The following ANKRD60 variants were observed in gnomAD, a reference collection of about 807,000 sequenced individuals.
ANKRD60 encodes ankyrin repeat domain 60.
ANKRD60 carries 24 observed loss-of-function variants against 21.3 expected under a neutral mutation model. That is an observed-to-expected ratio of 1.13 (90% CI 0.82 to 1.59). ANKRD60 has a LOEUF of 1.59. Among genes scored for constraint, ANKRD60 ranks in the 40% most tolerant of loss-of-function variants. The probability of loss-of-function intolerance (pLI) is 0.00; values close to 1 mark genes in which losing one functional copy is unlikely to be tolerated. For synonymous variants in ANKRD60, 182 were observed against 199.4 expected (o/e 0.91, Z 0.74); for missense variants, 490 against 466.7 (o/e 1.05, Z -0.46).
downstream of ANKRD60, chr20:58,218,399 G>T: frequency 1.6e-6 from 2 of 1,252,890 alleles, no homozygotes; most frequent in Non-Finnish European, 2.2e-6. Flanking sequence ...TAATTGCCCT[G>T]TTTTCCTGCC....
At chr20:58,217,373 G>C (rs1354887823), downstream of ANKRD60, among the ~76,000 whole-genome samples, 1 of 151,922 alleles carries the variant, frequency 6.6e-6, no homozygotes, top group Non-Finnish European at 1.5e-5. Flanking sequence ...AGGTTGCAGT[G>C]AGCCGAGATG....
At chr20:58,218,491 G>A (rs1984176874), downstream of ANKRD60, 1 of 1,546,364 alleles carries the variant, frequency 6.5e-7, no homozygotes, top group Non-Finnish European at 8.7e-7. Context: ...GTTCCCACCA[G>A]GAGCTAATGA....
chr20:58,228,126 G>C lies in ANKRD60; in HGVS notation c.430+98C>G. 8.1e-7 allele frequency: 1 copy of C among 1,234,818 alleles called. No individual in the cohort carries two copies. The highest frequency in any genetic ancestry group is 1.6e-5 in the South Asian group (1 of 63,676). 76.5% of individuals were successfully genotyped at this position (1,234,818 alleles called of 1,614,324 possible). A position where few individuals can be genotyped will look rare whatever the true frequency, so the allele number is the denominator to read the frequency against. ...TTCAGGGGTTTGCTTTGACATCTGGGGTTTCTCACGTAAGCAGGCTTCCCT... is the reference window on the plus strand; with the variant it reads ...TTCAGGGGTTTGCTTTGACATCTGGCGTTTCTCACGTAAGCAGGCTTCCCT... On this transcript the variant is annotated intron_variant, in intron 1 of 3. Transcript: ENST00000457363. This position sits in a 1 kb window ranked among gnomAD's most constrained non-coding sequence, Gnocchi z 5.3.
chr20:58,228,333 G>A lies in ANKRD60; in HGVS notation c.321C>T (p.Phe107=), dbSNP rs776925783. ...TGTCGCCGCGGCAGTTTGCCACTCG[G>A]AACATCTCCCCCGTCTCCTCCAGCC... Residue 107 remains phenylalanine, a synonymous_variant, in exon 1 of 4, where the codon TTC becomes TTT. Transcript: ENST00000457363. This position sits in a 1 kb window ranked among gnomAD's most constrained non-coding sequence, Gnocchi z 5.3. 3.2e-6 allele frequency: 5 copies of A among 1,549,648 alleles called. No individual in the cohort carries two copies. The highest frequency in any genetic ancestry group is 1.4e-5 in the African/African-American group (1 of 73,028).
At chr20:58,224,880 T>C (rs1250301488) in intron 1 of ANKRD60, among the ~76,000 whole-genome samples, 1 of 152,152 alleles carries the variant, frequency 6.6e-6, no homozygotes, top group Non-Finnish European at 1.5e-5. Flanking sequence ...GCTAAATAAA[T>C]TATCACAGTT....
intron 1 of ANKRD60, among the ~76,000 whole-genome samples, chr20:58,226,545 T>G (rs1984367545): frequency 6.6e-6 from 1 of 152,168 alleles, no homozygotes; most frequent in African/African-American, 2.4e-5. Context: ...CTTTGAGTTT[T>G]GGGGTACTCA....
chr20:58,222,690 C>T (rs1168246687), intron 2 of ANKRD60, among the ~76,000 whole-genome samples: 3 of 152,246 alleles, frequency 2.0e-5, no homozygotes, highest in African/African-American at 4.8e-5. Context: ...TGTACCACAG[C>T]CCCGAGCTCT....
At chr20:58,217,691 C>T (rs555236140), downstream of ANKRD60, among the ~76,000 whole-genome samples, 3 of 151,940 alleles carry the variant, frequency 2.0e-5, no homozygotes, top group African/African-American at 7.2e-5. Flanking sequence ...AATGCAAAGA[C>T]CTGAGAGTTG....
chr20:58,218,686 C>T (rs1984183961), exon 4 of ANKRD60: 1 of 1,551,754 alleles, frequency 6.4e-7, no homozygotes, highest in African/African-American at 1.4e-5. Context: ...CCCTTGGCAT[C>T]TCTGTCGTGG....
chr20:58,217,644 C>T (rs1007864453), downstream of ANKRD60, among the ~76,000 whole-genome samples: 7 of 152,204 alleles, frequency 4.6e-5, no homozygotes, highest in Middle Eastern at 0.017. Context: ...CCTGTAGGAA[C>T]ACCAGGCACA....
downstream of ANKRD60, among the ~76,000 whole-genome samples, chr20:58,217,537 T>C (rs1758595246): frequency 6.6e-6 from 1 of 151,592 alleles, no homozygotes; most frequent in Non-Finnish European, 1.5e-5. Flanking sequence ...TCTGCAGGAG[T>C]CAAGTCTCGG....
At chr20:58,223,768 C>T (rs939359871) in intron 1 of ANKRD60, among the ~76,000 whole-genome samples, 3 of 152,096 alleles carry the variant, frequency 2.0e-5, no homozygotes, top group Non-Finnish European at 4.4e-5. Context: ...CGGCCTCTAC[C>T]CACTAGATGC....
chr20:58,216,507 A>C (rs1984139822), downstream of ANKRD60, among the ~76,000 whole-genome samples: 3 of 152,188 alleles, frequency 2.0e-5, no homozygotes, highest in South Asian at 6.2e-4. Flanking sequence ...AGCTAAATGG[A>C]TTGCCCCATT....
chr20:58,223,065 C>T (rs1984294900), exon 2 of ANKRD60: 1 of 1,550,020 alleles, frequency 6.5e-7, no homozygotes, highest in Non-Finnish European at 8.7e-7. Context: ...GCTGGGATCC[C>T]CTTCCACAGC....
downstream of ANKRD60, among the ~76,000 whole-genome samples, chr20:58,216,976 T>A (rs1385091333): frequency 6.6e-6 from 1 of 152,236 alleles, no homozygotes; most frequent in African/African-American, 2.4e-5. Context: ...CATCAGAGTC[T>A]TGGATTGCTC....
chr20:58,218,393 T>A, downstream of ANKRD60: 1 of 1,131,052 alleles, frequency 8.8e-7, no homozygotes. Context: ...TCAGGTTAAT[T>A]GCCCTGTTTT....
chr20:58,228,610 C>A lies in ANKRD60; in HGVS notation c.44G>T (p.Gly15Val). The change falls in exon 1 of 4, where the codon GGG becomes GTG. Residue 15 changes from glycine to valine, a missense_variant. Gly to Val is a moderately radical substitution (Grantham distance 109). Coordinates refer to ENST00000457363, the Ensembl canonical transcript of ANKRD60. This position sits in a 1 kb window ranked among gnomAD's most constrained non-coding sequence, Gnocchi z 5.3. Reference sequence around the variant, plus strand: ...CCCCGCCGCCCGCGCTCCGCCCGCCCCCGCCGCCGCCCGCCGCATCCCCCA... The same window carrying A: ...CCCCGCCGCCCGCGCTCCGCCCGCCACCGCCGCCGCCCGCCGCATCCCCCA... The A allele has an allele frequency of 9.7e-7, 1 of 1,026,358 alleles. No individual in the cohort carries two copies. 63.6% of individuals were successfully genotyped at this position (1,026,358 alleles called of 1,614,324 possible).
chr20:58,224,668 C>A (rs1181008690), intron 1 of ANKRD60, among the ~76,000 whole-genome samples: 1 of 152,248 alleles, frequency 6.6e-6, no homozygotes, highest in Non-Finnish European at 1.5e-5. Context: ...GGTTCAGACA[C>A]AGAGGATAAC....
Position 58,228,473 on chromosome 20 carries a change from G to A in ANKRD60, c.181C>T (p.Leu61Phe). 30 of 1,514,908 alleles carry A rather than the reference G, an allele frequency of 2.0e-5. No individual in the cohort carries two copies. Among genetic ancestry groups the A allele is most frequent in the Non-Finnish European group, 2.6e-5 (30 of 1,137,296 alleles). The allele number at this position is 1,514,908 out of a possible 1,614,324, so 93.8% of individuals were successfully genotyped here. A position where few individuals can be genotyped will look rare whatever the true frequency, so the allele number is the denominator to read the frequency against. Residue 61 changes from leucine (L) to phenylalanine (F), a missense_variant, in exon 1 of 4, where the codon CTC becomes TTC. Transcript: ENST00000457363. The surrounding 1 kb of genome is among the most constrained non-coding windows in gnomAD (Gnocchi z 5.3). ...GCACAGGCCAGGGGCTGCGCGGGGA[G>A]GGCCCGCGAGTCCGCCGAGCCCACC...
Sources: allele counts gnomAD v4.1 joint callset (sites outside exome capture counted in the v4.1 genomes callset), GRCh38; gene constraint gnomAD v4.1.1; non-coding constraint Gnocchi (gnomAD v3.1); transcripts MANE v1.5; gene names NCBI Gene and HGNC (gene_info 2026-07-23, HGNC 2026-07-21).